SNX14: variants seen among roughly 807,000 people sequenced by gnomAD.
The protein encoded by SNX14 is sorting nexin-14.
Under a neutral mutation model 133.8 loss-of-function variants are expected in SNX14, and 93 were observed. The observed-to-expected ratio is 0.70, with a 90% CI of 0.59 to 0.83. The LOEUF (loss-of-function observed/expected upper bound fraction) is 0.83. SNX14 is among the 40% of genes least tolerant of loss of function. The pLI is 0.00. For missense variants in SNX14, 945 were observed against 1,094.9 expected (o/e 0.86, Z 1.93); for synonymous variants, 368 against 365.6 (o/e 1.01, Z -0.07).
At chr6:85,562,644 C>T (rs1384925538) in intron 6 of SNX14, among the ~76,000 whole-genome samples, 3 of 126,256 alleles carry the variant, frequency 2.4e-5, no homozygotes, top group African/African-American at 9.7e-5. Flanking sequence ...ACTTGAAGTG[C>T]AGTGGTGTGA....
At chr6:85,558,208 C>T in intron 6 of SNX14, 148 bp from the exon 7 acceptor site, 2 of 547,240 alleles carry the variant, frequency 3.7e-6, no homozygotes, top group East Asian at 3.2e-5. Flanking sequence ...CTGCATCATA[C>T]TAACTGTAAC....
intron 2 of SNX14, among the ~76,000 whole-genome samples, chr6:85,572,919 A>T (rs915016822): frequency 6.6e-6 from 1 of 152,204 alleles, no homozygotes; most frequent in African/African-American, 2.4e-5. Flanking sequence ...TGATCCTGCC[A>T]CTGCACTCTA....
chr6:85,513,282 C>T (rs75510000), intron 26 of SNX14, among the ~76,000 whole-genome samples: 63 of 152,330 alleles, frequency 4.1e-4, no homozygotes, highest in Non-Finnish European at 5.1e-4. Flanking sequence ...GACCATCCTC[C>T]TCCTTTGTGA....
rs201374322 is a variant in SNX14, at chr6:85,514,231, C to T, written c.2396G>A (p.Arg799Gln). 1.7e-4 allele frequency: 277 copies of T among 1,608,524 alleles called. 1 individual carries two copies. Among genetic ancestry groups the T allele is most frequent in the Non-Finnish European group, 2.2e-4 (257 of 1,178,444 alleles). The change falls in exon 25 of 29, where the codon CGG becomes CAG. Residue 799 changes from arginine to glutamine, a missense_variant. Arg to Gln is a conservative substitution (Grantham distance 43). Coordinates refer to ENST00000314673, the MANE Select transcript of SNX14 (RefSeq NM_153816.6). The part of the protein sequence containing the change: ...GVYDYLMYVG[R>Q]VVFQVPDWLH... ...CCAGTCAGGAACCTGGAAAACTACC[C>T]GTCCTGAGAAAGGATCAAATGGGAT...
intron 26 of SNX14, among the ~76,000 whole-genome samples, chr6:85,509,183 C>T (rs1435309448): frequency 6.6e-6 from 1 of 152,114 alleles, no homozygotes; most frequent in Non-Finnish European, 1.5e-5. Flanking sequence ...AGTTACTCTC[C>T]CAAACGGGAG....
chr6:85,513,895 T>A lies in SNX14; in HGVS notation c.2558A>T (p.Asp853Val). ...RLVSLITLLR[D>V]AIFCENTEPR... The stretch of plus-strand genomic sequence containing the variant: ...TTCAGTGTTTTCACAGAATATAGCA[T>A]CTAAAAAAGAGTAAAAAGAAATATT... The change falls in exon 26 of 29, where the codon GAT becomes GTT. Residue 853 changes from aspartate to valine, a missense_variant and splice_region_variant. Transcript: ENST00000314673. 1 of 1,604,166 alleles carries A rather than the reference T, an allele frequency of 6.2e-7. No individual in the cohort carries two copies. The highest frequency in any genetic ancestry group is 1.7e-5 in the Admixed American group (1 of 57,996).
intron 1 of SNX14, among the ~76,000 whole-genome samples, chr6:85,579,711 G>C (rs1798460645): frequency 6.6e-6 from 1 of 152,198 alleles, no homozygotes; most frequent in Non-Finnish European, 1.5e-5. Context: ...CCTGGCCAGA[G>C]GGCAACTGCT....
intron 18 of SNX14, 64 bp downstream of exon 18, chr6:85,533,535 T>C (rs1780919451): frequency 2.0e-6 from 3 of 1,473,598 alleles, no homozygotes; most frequent in African/African-American, 1.4e-5. Context: ...ATGTTTATCA[T>C]ACCTGATAAC....
chr6:85,561,031 C>CT (rs1331928867), intron 6 of SNX14, among the ~76,000 whole-genome samples: 4 of 117,220 alleles, frequency 3.4e-5, no homozygotes, highest in Non-Finnish European at 6.9e-5. Flanking sequence ...GAGACTCCAT[C>CT]TTAAAAAAAA....
At chr6:85,544,419 C>T (rs941929775) in intron 12 of SNX14, among the ~76,000 whole-genome samples, 10 of 151,688 alleles carry the variant, frequency 6.6e-5, no homozygotes, top group African/African-American at 2.4e-4. Context: ...ATTGCCATTC[C>T]TGTATGAGTT....
intron 26 of SNX14, among the ~76,000 whole-genome samples, chr6:85,510,111 A>C (rs1772286500): frequency 6.6e-6 from 1 of 152,160 alleles, no homozygotes; most frequent in Non-Finnish European, 1.5e-5. Context: ...ATTCATGTGC[A>C]GGTTTCTGGG....
At chr6:85,535,215 A>G (rs1238359039) in intron 17 of SNX14, among the ~76,000 whole-genome samples, 2 of 151,844 alleles carry the variant, frequency 1.3e-5, no homozygotes, top group Non-Finnish European at 2.9e-5. Context: ...GGGTCTCACC[A>G]TGTTGCCCAG....
At position 85,563,682 on chromosome 6, in the gene SNX14, C is replaced by A. The variant is rs148539681; in HGVS notation, c.549+1650G>T. Among the ~76,000 whole-genome samples, 623 of 152,152 alleles carry A rather than the reference C, an allele frequency of 4.1e-3. 2 individuals are homozygous for A. Among genetic ancestry groups the A allele is most frequent in the African/African-American group, 0.014 (565 of 41,522 alleles). Reference sequence around the variant, plus strand: ...TGCTGGGATTACAGGCGTGAGCCACCGCGCCTGGCTGAGAAAAATATTTTT... The same window carrying A: ...TGCTGGGATTACAGGCGTGAGCCACAGCGCCTGGCTGAGAAAAATATTTTT... On this transcript the variant is annotated intron_variant, in intron 6 of 28. Coordinates refer to ENST00000314673, the MANE Select transcript of SNX14 (RefSeq NM_153816.6).
At chr6:85,544,066 CAA>C (rs1343173444) in intron 12 of SNX14, among the ~76,000 whole-genome samples, 1 of 151,786 alleles carries the variant, frequency 6.6e-6, no homozygotes, top group African/African-American at 2.4e-5. Context: ...TTTATTATAC[CAA>C]AAGTCTTTTA....
intron 26 of SNX14, chr6:85,508,555 T>A: frequency 4.4e-6 from 1 of 227,944 alleles, no homozygotes; most frequent in Non-Finnish European, 7.3e-6. Flanking sequence ...ATAGTGCTCT[T>A]AATATCAGAA....
intron 18 of SNX14, 43 bp downstream of exon 18, chr6:85,533,556 T>A: frequency 6.3e-7 from 1 of 1,580,458 alleles, no homozygotes; most frequent in Non-Finnish European, 8.6e-7. Context: ...AACAGACTCA[T>A]TCATGGGCAT....
At chr6:85,546,986 G>T in intron 12 of SNX14, 126 bp downstream of exon 12, 13 of 566,956 alleles carry the variant, frequency 2.3e-5, no homozygotes, top group Non-Finnish European at 3.1e-5. Flanking sequence ...AAAAAAAAAG[G>T]AAATCGAGTA....
At chr6:85,543,537 A>G in intron 13 of SNX14, 68 bp downstream of exon 13, 1 of 1,358,866 alleles carries the variant, frequency 7.4e-7, no homozygotes, top group East Asian at 2.6e-5. Context: ...CACTGCAATA[A>G]TAAACAGAAA....
At position 85,593,702 on chromosome 6, in the gene SNX14, C is replaced by A; in HGVS notation, c.17G>T (p.Arg6Leu). The change falls in exon 1 of 29, where the codon CGG becomes CTG. Residue 6 changes from arginine to leucine, a missense_variant. This residue lies in a region of SNX14 where 514 missense variants were observed against 538.8 expected (regional missense o/e 0.95). Coordinates refer to ENST00000314673, the MANE Select transcript of SNX14 (RefSeq NM_153816.6). ...CTGCTTCAGCTTCTGCCCCATCGTC[C>A]GCACCCAGGGCACCATCTCCGTAAC... is the stretch of plus-strand genomic sequence containing the variant. MVPWVRTMGQKLKQRL... is the reference protein window; with the variant it reads MVPWVLTMGQKLKQRL... The A allele has an allele frequency of 6.2e-7, 1 of 1,613,650 alleles. No individual in the cohort carries two copies. The highest frequency in any genetic ancestry group is 8.5e-7 in the Non-Finnish European group (1 of 1,179,930).
Sources: allele counts gnomAD v4.1 joint callset (sites outside exome capture counted in the v4.1 genomes callset), GRCh38; gene constraint gnomAD v4.1.1; regional missense constraint gnomAD v4.1.1; transcripts MANE v1.5; gene names NCBI Gene and HGNC (gene_info 2026-07-23, HGNC 2026-07-21).